EFNA5: variants seen among roughly 807,000 people sequenced by gnomAD.
The protein encoded by EFNA5 is ephrin A5.
EFNA5 carries 5 observed loss-of-function variants against 22.9 expected under a neutral mutation model. That is an observed-to-expected ratio of 0.22 (90% CI 0.11 to 0.46). EFNA5 has a LOEUF of 0.46. Ranked by LOEUF, EFNA5 falls within the 20% of genes least tolerant of loss-of-function variation. EFNA5 has a pLI of 0.99. For synonymous variants in EFNA5, 113 were observed against 112.2 expected, an observed-to-expected ratio of 1.01 and a Z score of -0.04; for missense variants, 237 against 293.3, an observed-to-expected ratio of 0.81 and a Z score of 1.40.
chr5:107,614,827 T>C (rs749379368), intron 1 of EFNA5, among the ~76,000 whole-genome samples: 1 of 152,204 alleles, frequency 6.6e-6, no homozygotes, highest in East Asian at 1.9e-4. Flanking sequence ...GAAGTTATGA[T>C]AATATAATGA....
intron 1 of EFNA5, among the ~76,000 whole-genome samples, chr5:107,523,780 C>G (rs114975980): frequency 0.029 from 4,393 of 152,242 alleles, 177 homozygotes; most frequent in African/African-American, 0.096. Context: ...TCTCTTTATG[C>G]AGGTGAGCAA....
At chr5:107,529,731 TC>T (rs1747770479) in intron 1 of EFNA5, among the ~76,000 whole-genome samples, 1 of 152,218 alleles carries the variant, frequency 6.6e-6, no homozygotes, top group Non-Finnish European at 1.5e-5. Flanking sequence ...TTGCTTCAAT[TC>T]ATTTTTCTCC....
At chr5:107,547,685 T>C (rs1748197356) in intron 1 of EFNA5, among the ~76,000 whole-genome samples, 1 of 135,256 alleles carries the variant, frequency 7.4e-6, no homozygotes, top group African/African-American at 2.9e-5. Context: ...ATGAAGTCCC[T>C]TGTTATTTTT....
At position 107,588,548 on chromosome 5, in the gene EFNA5, A is replaced by G. The variant is rs546663999; in HGVS notation, c.125+81941T>C. On this transcript the variant is annotated intron_variant, in intron 1 of 4. Coordinates refer to ENST00000333274, the MANE Select transcript of EFNA5 (RefSeq NM_001962.3). ...CAGCAGAGAGATTATTAAAAACTATATATTACGTGCATACACTTTAAAATG... is the reference window on the plus strand; with the variant it reads ...CAGCAGAGAGATTATTAAAAACTATGTATTACGTGCATACACTTTAAAATG... Among the ~76,000 whole-genome samples the G allele has an allele frequency of 3.9e-5, 6 of 152,358 alleles. No homozygotes were observed. The Middle Eastern group carries it at 0.014, about 345-fold the overall frequency.
At chr5:107,650,800 T>G (rs1212531162) in intron 1 of EFNA5, among the ~76,000 whole-genome samples, 1 of 152,132 alleles carries the variant, frequency 6.6e-6, no homozygotes, top group Non-Finnish European at 1.5e-5. Flanking sequence ...GAACCAAGCT[T>G]ACCTGCATGC....
chr5:107,641,570 G>A (rs1283350809), intron 1 of EFNA5, among the ~76,000 whole-genome samples: 1 of 152,094 alleles, frequency 6.6e-6, no homozygotes, highest in Non-Finnish European at 1.5e-5. Context: ...ATAATAGACA[G>A]TTCACTTTTG....
chr5:107,407,220 T>C (rs1376732276), intron 2 of EFNA5, among the ~76,000 whole-genome samples: 1 of 152,164 alleles, frequency 6.6e-6, no homozygotes, highest in Non-Finnish European at 1.5e-5. Flanking sequence ...TTATTCTTGG[T>C]GACCTTTTTT....
intron 1 of EFNA5, among the ~76,000 whole-genome samples, chr5:107,560,769 G>T (rs933318889): frequency 6.6e-6 from 1 of 152,166 alleles, no homozygotes; most frequent in Non-Finnish European, 1.5e-5. Flanking sequence ...TGCAGGGACA[G>T]GCCCTCATCC....
At chr5:107,580,735 A>G (rs1580541071) in intron 1 of EFNA5, among the ~76,000 whole-genome samples, 1 of 149,370 alleles carries the variant, frequency 6.7e-6, no homozygotes, top group East Asian at 1.9e-4. Context: ...AAAAAAAAAA[A>G]AAAAAGAAAA....
At chr5:107,517,390 C>G (rs1264644174) in intron 1 of EFNA5, among the ~76,000 whole-genome samples, 1 of 152,154 alleles carries the variant, frequency 6.6e-6, no homozygotes, top group African/African-American at 2.4e-5. Context: ...CTGCCTAGGT[C>G]GGCCACCTAC....
chr5:107,540,606 A>G (rs2084019313), intron 1 of EFNA5, among the ~76,000 whole-genome samples: 1 of 152,210 alleles, frequency 6.6e-6, no homozygotes, highest in African/African-American at 2.4e-5. Flanking sequence ...CTTTTGCTAT[A>G]AATTATTAAA....
chr5:107,536,692 T>C (rs907303698), intron 1 of EFNA5, among the ~76,000 whole-genome samples: 1 of 152,216 alleles, frequency 6.6e-6, no homozygotes, highest in African/African-American at 2.4e-5. Context: ...GCAATCAGCC[T>C]GCCAACATGG....
intron 2 of EFNA5, among the ~76,000 whole-genome samples, chr5:107,395,167 T>C (rs1001858319): frequency 2.0e-5 from 3 of 151,106 alleles, no homozygotes; most frequent in African/African-American, 7.3e-5. Context: ...GCCTCCTGAG[T>C]AGCTGGGATT....
intron 1 of EFNA5, among the ~76,000 whole-genome samples, chr5:107,513,188 CTGT>C (rs1434781510): frequency 6.6e-5 from 10 of 152,086 alleles, no homozygotes; most frequent in African/African-American, 2.4e-4. Flanking sequence ...TTAAGTCCTA[CTGT>C]AGTCAGAGAT....
intron 1 of EFNA5, among the ~76,000 whole-genome samples, chr5:107,655,582 T>C (rs1750803970): frequency 6.6e-6 from 1 of 152,140 alleles, no homozygotes; most frequent in Non-Finnish European, 1.5e-5. Context: ...ATTTCCCTTA[T>C]GAATTACTTT....
chr5:107,390,346 A>G (rs1747751983), intron 2 of EFNA5, among the ~76,000 whole-genome samples: 1 of 152,230 alleles, frequency 6.6e-6, no homozygotes, highest in African/African-American at 2.4e-5. Flanking sequence ...TAAAAAATAC[A>G]GATAATTAAT....
intron 2 of EFNA5, among the ~76,000 whole-genome samples, chr5:107,424,421 T>C (rs1255200886): frequency 2.0e-5 from 3 of 151,472 alleles, no homozygotes; most frequent in Non-Finnish European, 2.9e-5. Context: ...TTTCACTCTC[T>C]TGGCCAGGCT....
At chr5:107,609,972 T>G (rs964329866) in intron 1 of EFNA5, among the ~76,000 whole-genome samples, 1 of 152,164 alleles carries the variant, frequency 6.6e-6, no homozygotes. Context: ...ACCTCTCATT[T>G]AAGAATGAGA....
At chr5:107,592,625 C>G (rs1239147516) in intron 1 of EFNA5, among the ~76,000 whole-genome samples, 2 of 152,114 alleles carry the variant, frequency 1.3e-5, no homozygotes, top group Non-Finnish European at 2.9e-5. Context: ...TAGGGGAGCA[C>G]CAGGCCGCAG....
Sources: allele counts gnomAD v4.1 joint callset (sites outside exome capture counted in the v4.1 genomes callset), GRCh38; gene constraint gnomAD v4.1.1; transcripts MANE v1.5; gene names NCBI Gene and HGNC (gene_info 2026-07-23, HGNC 2026-07-21).